The following PPP2R2B variants were observed in gnomAD, a reference collection of about 807,000 sequenced individuals.
The protein encoded by PPP2R2B is serine/threonine-protein phosphatase 2A 55 kDa regulatory subunit B beta isoform.
PPP2R2B carries 5 observed loss-of-function variants against 46.0 expected under a neutral mutation model. The ratio of observed to expected loss-of-function variants is 0.11; its 90% CI spans 0.06 to 0.23. PPP2R2B has a LOEUF of 0.23. Among genes scored for constraint, PPP2R2B ranks in the 10% least tolerant of loss-of-function variants. PPP2R2B has a pLI of 1.00. For missense variants in PPP2R2B, 367 were observed against 575.0 expected (o/e 0.64, Z 3.70); for synonymous variants, 215 against 206.7 (o/e 1.04, Z -0.34).
In PPP2R2B at chr5:146,583,776, C is replaced by T. The variant is rs1770007854; in HGVS notation, c.*6171G>A. ...TTCCAAAATGTTGCTTTTCCTTTTA[C>T]CACTGAGGAAAGCCCCTGTTCCCTT... On this transcript the variant is annotated 3_prime_UTR_variant, in exon 10 of 10. Transcript: ENST00000394411. 6.6e-6 allele frequency: 1 copy of T among 152,170 alleles called. No individual in the cohort carries two copies. The allele number at this position is 152,170 out of a possible 1,614,324, so 9.4% of individuals were successfully genotyped here.
chr5:146,743,672 C>A (rs1753009946), intron 2 of PPP2R2B, among the ~76,000 whole-genome samples: 1 of 152,260 alleles, frequency 6.6e-6, no homozygotes, highest in African/African-American at 2.4e-5. Context: ...AAACTTATTT[C>A]ATTTCCCTTC....
intron 1 of PPP2R2B, among the ~76,000 whole-genome samples, chr5:146,969,201 T>C (rs1384600622): frequency 6.6e-6 from 1 of 152,170 alleles, no homozygotes; most frequent in Non-Finnish European, 1.5e-5. Context: ...GGGAAAGCTT[T>C]CTGAGACAAA....
chr5:146,850,407 A>G (rs986833355), intron 2 of PPP2R2B, among the ~76,000 whole-genome samples: 1 of 152,120 alleles, frequency 6.6e-6, no homozygotes, highest in Non-Finnish European at 1.5e-5. Context: ...GTTACTCATA[A>G]GATAAAAAGC....
chr5:146,985,981 C>T (rs375366202), intron 1 of PPP2R2B, among the ~76,000 whole-genome samples: 1 of 152,064 alleles, frequency 6.6e-6, no homozygotes, highest in Non-Finnish European at 1.5e-5. Flanking sequence ...CATAATAGAA[C>T]CCTCTGACAA....
intron 1 of PPP2R2B, among the ~76,000 whole-genome samples, chr5:146,923,289 C>T (rs1029394495): frequency 2.6e-5 from 4 of 152,130 alleles, no homozygotes; most frequent in Non-Finnish European, 4.4e-5. Flanking sequence ...CAGAGGGGAC[C>T]ACTTATTAGC....
intron 1 of PPP2R2B, among the ~76,000 whole-genome samples, chr5:147,040,540 A>G (rs1342910980): frequency 3.3e-5 from 5 of 152,144 alleles, no homozygotes; most frequent in Non-Finnish European, 7.4e-5. Flanking sequence ...GAGAAATTGT[A>G]GGAGAACCAG....
At chr5:146,828,468 C>T (rs1758717699) in intron 2 of PPP2R2B, among the ~76,000 whole-genome samples, 1 of 152,096 alleles carries the variant, frequency 6.6e-6, no homozygotes, top group Non-Finnish European at 1.5e-5. Flanking sequence ...AAAGAATGTA[C>T]TGCTTTCTTT....
intron 1 of PPP2R2B, among the ~76,000 whole-genome samples, chr5:146,938,108 C>G (rs559410673): frequency 1.3e-5 from 2 of 151,994 alleles, no homozygotes; most frequent in African/African-American, 4.8e-5. Flanking sequence ...ATTGAGGTAC[C>G]GTATTTCATG....
chr5:146,907,981 A>AG (rs1253690109), intron 1 of PPP2R2B, among the ~76,000 whole-genome samples: 7 of 152,188 alleles, frequency 4.6e-5, no homozygotes, highest in African/African-American at 1.7e-4. Flanking sequence ...ATGATCATAG[A>AG]GAAAAACTGC....
intron 1 of PPP2R2B, among the ~76,000 whole-genome samples, chr5:147,016,296 C>A (rs1755000583): frequency 6.6e-6 from 1 of 151,252 alleles, no homozygotes; most frequent in Non-Finnish European, 1.5e-5. Flanking sequence ...GACTGCACCA[C>A]TGCACTCCTG....
intron 1 of PPP2R2B, among the ~76,000 whole-genome samples, chr5:146,983,176 A>ATTTTTTTTTTTTTTTT: frequency 1.2e-5 from 1 of 80,856 alleles, no homozygotes; most frequent in Non-Finnish European, 2.2e-5. Flanking sequence ...TTTCCAGAGC[A>ATTTTTTTTTTTTTTTT]TTTTTTTTTT....
At chr5:146,848,378 A>G (rs1017325389) in intron 2 of PPP2R2B, among the ~76,000 whole-genome samples, 2 of 152,086 alleles carry the variant, frequency 1.3e-5, no homozygotes. Context: ...TTTCTACTCT[A>G]GGATCCTACC....
At position 146,902,088 on chromosome 5, in the gene PPP2R2B, C is replaced by T. The variant is rs1762853256; in HGVS notation, c.79+153577G>A. Reference sequence around the variant, plus strand: ...GATGTATGGTTGCATGTTTGACTTACCTAAAGACCTCACCATGTGCACACT... The same window carrying T: ...GATGTATGGTTGCATGTTTGACTTATCTAAAGACCTCACCATGTGCACACT... On this transcript the variant is annotated intron_variant, in intron 1 of 8. Coordinates refer to the PPP2R2B transcript ENST00000336640. 3.3e-5 allele frequency among the ~76,000 whole-genome samples: 5 copies of T among 152,086 alleles called. No homozygotes were observed. In the South Asian group the frequency reaches 1.0e-3, roughly 32 times the overall value.
intron 2 of PPP2R2B, among the ~76,000 whole-genome samples, chr5:146,701,723 C>A (rs1446432238): frequency 6.6e-6 from 1 of 152,164 alleles, no homozygotes; most frequent in Non-Finnish European, 1.5e-5. Context: ...CCCAACACAT[C>A]CTTCTGGAAG....
In PPP2R2B at chr5:146,583,763, G is replaced by A. The variant is rs2150988297; in HGVS notation, c.*6184C>T. 1.3e-5 allele frequency: 2 copies of A among 152,284 alleles called. No individual in the cohort carries two copies. Among genetic ancestry groups the A allele is most frequent in the African/African-American group, 4.8e-5 (2 of 41,560 alleles). 9.4% of individuals were successfully genotyped at this position (152,284 alleles called of 1,614,324 possible). A position where few individuals can be genotyped will look rare whatever the true frequency, so the allele number is the denominator to read the frequency against. ...CAACTGTTTAGAGTTCCAAAATGTT[G>A]CTTTTCCTTTTACCACTGAGGAAAG... On this transcript the variant is annotated 3_prime_UTR_variant, in exon 10 of 10. Coordinates refer to ENST00000394411, the MANE Select transcript of PPP2R2B (RefSeq NM_181675.4).
chr5:146,778,855 GA>G (rs1340790427), intron 2 of PPP2R2B, among the ~76,000 whole-genome samples: 4 of 152,328 alleles, frequency 2.6e-5, no homozygotes, highest in Admixed American at 1.3e-4. Context: ...TGCCTAAAAT[GA>G]AGATGCTTAA....
At chr5:146,624,537 C>A (rs76476147) in intron 7 of PPP2R2B, among the ~76,000 whole-genome samples, 3,156 of 152,296 alleles carry the variant, frequency 0.021, 49 homozygotes, top group Admixed American at 0.064. Flanking sequence ...TTACCTGGAG[C>A]ACTTTGATAG....
exon 1 of PPP2R2B, chr5:147,081,270 G>A (rs774916333): frequency 1.4e-5 from 21 of 1,535,660 alleles, no homozygotes; most frequent in South Asian, 4.8e-5. Flanking sequence ...GTATCATCTC[G>A]TCAGAGAAGA....
At chr5:146,863,815 T>C (rs932337772) in intron 2 of PPP2R2B, among the ~76,000 whole-genome samples, 2 of 152,194 alleles carry the variant, frequency 1.3e-5, no homozygotes, top group Non-Finnish European at 1.5e-5. Context: ...AGAGGAAGAA[T>C]GTTCTAAATA....
Sources: allele counts gnomAD v4.1 joint callset (sites outside exome capture counted in the v4.1 genomes callset), GRCh38; gene constraint gnomAD v4.1.1; transcripts MANE v1.5; gene names NCBI Gene and HGNC (gene_info 2026-07-23, HGNC 2026-07-21).